Variants in GALNT10 observed in about 807,000 individuals in gnomAD.
GALNT10 encodes GalNAc transferase 10.
A neutral mutation model predicts 75.0 loss-of-function variants in GALNT10; 41 were observed. The observed-to-expected ratio is 0.55, with a 90% CI of 0.43 to 0.71. The LOEUF is 0.71. GALNT10 is among the 30% of genes least tolerant of loss of function. The probability of loss-of-function intolerance (pLI) is 0.00; values close to 1 mark genes in which losing one functional copy is unlikely to be tolerated. For missense variants in GALNT10, 727 were observed against 818.5 expected (o/e 0.89, Z 1.36); for synonymous variants, 302 against 313.0 (o/e 0.96, Z 0.37).
At chr5:154,202,593 G>A (rs1775043206) in intron 1 of GALNT10, among the ~76,000 whole-genome samples, 1 of 152,200 alleles carries the variant, frequency 6.6e-6, no homozygotes, top group Non-Finnish European at 1.5e-5. Flanking sequence ...CTCAAACTCA[G>A]ATTTCTGACT....
chr5:154,408,389 T>TA lies in GALNT10; in HGVS notation c.1165-1148dup, dbSNP rs200932896. ...TACGAAGGAGGTAAAACCGAAGAGT[T>TA]AAAATTGGGGTGGGGGGACAACAGC... On this transcript the variant is annotated intron_variant, in intron 8 of 11. Coordinates refer to ENST00000297107, the MANE Select transcript of GALNT10 (RefSeq NM_198321.4). Among the ~76,000 whole-genome samples, 900 of 152,174 alleles carry TA rather than the reference T, an allele frequency of 5.9e-3. 5 individuals carry two copies. The highest frequency in any genetic ancestry group is 9.2e-3 in the Non-Finnish European group (628 of 67,996).
chr5:154,320,310 A>C (rs907864309), intron 3 of GALNT10, among the ~76,000 whole-genome samples: 1 of 152,190 alleles, frequency 6.6e-6, no homozygotes, highest in Non-Finnish European at 1.5e-5. Context: ...AATTTAGTCT[A>C]TTGTGGCTTT....
intron 9 of GALNT10, among the ~76,000 whole-genome samples, chr5:154,411,946 G>A (rs1430457234): frequency 6.6e-6 from 1 of 152,202 alleles, no homozygotes; most frequent in African/African-American, 2.4e-5. Flanking sequence ...CCAGACTGCA[G>A]TAAAGCTGTA....
At chr5:154,302,062 C>T (rs1490261282) in intron 3 of GALNT10, among the ~76,000 whole-genome samples, 1 of 152,046 alleles carries the variant, frequency 6.6e-6, no homozygotes, top group Non-Finnish European at 1.5e-5. Flanking sequence ...CCTTTTTTTC[C>T]AGAGGGGAAT....
chr5:154,394,114 G>C (rs1375848373), intron 7 of GALNT10, among the ~76,000 whole-genome samples: 1 of 152,144 alleles, frequency 6.6e-6, no homozygotes, highest in East Asian at 1.9e-4. Flanking sequence ...GCAGGAGCAA[G>C]GGAGTGATAG....
intron 7 of GALNT10, among the ~76,000 whole-genome samples, chr5:154,396,290 C>T (rs1178916289): frequency 6.6e-6 from 1 of 152,046 alleles, no homozygotes. Context: ...TTCACAAGCC[C>T]CCAGGGCAGA....
chr5:154,288,133 C>T (rs1346919515), intron 1 of GALNT10, among the ~76,000 whole-genome samples: 1 of 152,208 alleles, frequency 6.6e-6, no homozygotes, highest in Non-Finnish European at 1.5e-5. Context: ...GTCTCTAACA[C>T]AGCCTCAGAC....
chr5:154,415,649 C>A, intron 10 of GALNT10, 134 bp from the exon 11 acceptor site: 1 of 857,004 alleles, frequency 1.2e-6, no homozygotes, highest in Non-Finnish European at 1.8e-6. Flanking sequence ...ACTTTTAAAG[C>A]TAGGTGGTTA....
intron 1 of GALNT10, among the ~76,000 whole-genome samples, chr5:154,207,995 C>G (rs1426253825): frequency 6.6e-6 from 1 of 152,088 alleles, no homozygotes; most frequent in Non-Finnish European, 1.5e-5. Context: ...ATGTTTGCAA[C>G]CAGACCAGAC....
At position 154,196,384 on chromosome 5, in the gene GALNT10, G is replaced by A. The variant is rs184107165; in HGVS notation, c.159+5359G>A. ...AAGAACCACCTCAGATTCTCTATCA[G>A]TTGCAAGTAACAAAACAAATTGAGC... On this transcript the variant is annotated intron_variant, in intron 1 of 11. Coordinates refer to ENST00000297107, the MANE Select transcript of GALNT10 (RefSeq NM_198321.4). 2.8e-3 allele frequency among the ~76,000 whole-genome samples: 419 copies of A among 152,340 alleles called. 5 individuals carry two copies. The highest frequency in any genetic ancestry group is 9.7e-3 in the African/African-American group (404 of 41,586).
At position 154,412,114 on chromosome 5, in the gene GALNT10, A is replaced by G. The variant is rs554683534; in HGVS notation, c.1387-775A>G. Reference sequence around the variant, plus strand: ...CAGAATACAGGATCTGGGTGCAATGAGACTCTCTGCAACAGGAAATTGGGT... The same window carrying G: ...CAGAATACAGGATCTGGGTGCAATGGGACTCTCTGCAACAGGAAATTGGGT... On this transcript the variant is annotated intron_variant, in intron 9 of 11. Coordinates refer to ENST00000297107, the MANE Select transcript of GALNT10 (RefSeq NM_198321.4). This position sits in a 1 kb window ranked among gnomAD's most constrained non-coding sequence, Gnocchi z 4.2. 7.2e-5 allele frequency among the ~76,000 whole-genome samples: 11 copies of G among 152,296 alleles called. No homozygotes were observed. Among genetic ancestry groups the G allele is most frequent in the African/African-American group, 2.6e-4 (11 of 41,564 alleles).
chr5:154,322,882 T>TG (rs1332348683), intron 3 of GALNT10, among the ~76,000 whole-genome samples: 1 of 152,164 alleles, frequency 6.6e-6, no homozygotes, highest in Non-Finnish European at 1.5e-5. Context: ...ACTTGGGATA[T>TG]GGTATAAAAA....
At chr5:154,300,180 G>A (rs564411196) in intron 3 of GALNT10, among the ~76,000 whole-genome samples, 1 of 152,284 alleles carries the variant, frequency 6.6e-6, no homozygotes, top group East Asian at 1.9e-4. Context: ...TTGTAGTTCA[G>A]CTATGACAGA....
intron 4 of GALNT10, chr5:154,337,469 A>G: frequency 2.8e-6 from 2 of 711,300 alleles, no homozygotes; most frequent in South Asian, 2.8e-5. Flanking sequence ...GCAGTAATTA[A>G]AATCTCCTGC....
At chr5:154,342,827 C>T (rs969255373) in intron 4 of GALNT10, among the ~76,000 whole-genome samples, 3 of 152,198 alleles carry the variant, frequency 2.0e-5, no homozygotes, top group African/African-American at 7.2e-5. Flanking sequence ...GATGATCTCA[C>T]TTAAATTATT....
chr5:154,194,994 G>A (rs1191409680), intron 1 of GALNT10, among the ~76,000 whole-genome samples: 2 of 152,184 alleles, frequency 1.3e-5, no homozygotes, highest in East Asian at 3.8e-4. Context: ...CACAACTTAA[G>A]GGTATGTTCA....
chr5:154,201,937 GAAA>G (rs5872362), intron 1 of GALNT10, among the ~76,000 whole-genome samples: 1 of 144,560 alleles, frequency 6.9e-6, no homozygotes, highest in Non-Finnish European at 1.5e-5. Context: ...TCGAGGAAAA[GAAA>G]AAAAAAAAAA....
intron 3 of GALNT10, among the ~76,000 whole-genome samples, chr5:154,300,032 C>T (rs967818865): frequency 2.6e-5 from 4 of 152,072 alleles, no homozygotes; most frequent in Non-Finnish European, 5.9e-5. Context: ...GACAGGATCT[C>T]GCTATGTTGC....
chr5:154,417,869 A>G lies in GALNT10; in HGVS notation c.*897A>G, dbSNP rs1756547852. On this transcript the variant is annotated 3_prime_UTR_variant, in exon 12 of 12. Transcript: ENST00000297107. ...ATTTCCCTGTCTCTCTTCCCCAGGC[A>G]ATTACTGGCCTCAAAAGAGGAACAG... is the stretch of plus-strand genomic sequence containing the variant. 6.6e-6 allele frequency: 1 copy of G among 152,124 alleles called. No homozygotes were observed. Among genetic ancestry groups the G allele is most frequent in the African/African-American group, 2.4e-5 (1 of 41,406 alleles). The allele number at this position is 152,124 out of a possible 1,614,324, so 9.4% of individuals were successfully genotyped here.
Sources: gnomAD v4.1 joint callset for allele counts (sites outside exome capture counted in the v4.1 genomes callset) on GRCh38, gnomAD v4.1.1 for gene constraint, Gnocchi (gnomAD v3.1) non-coding constraint, MANE v1.5 for transcripts, NCBI Gene and HGNC (gene_info 2026-07-23, HGNC 2026-07-21) for gene names.